IKBKB: variants seen among roughly 807,000 people sequenced by gnomAD.
IKBKB encodes inhibitor of nuclear factor kappa B kinase subunit beta.
IKBKB carries 42 observed loss-of-function variants against 113.6 expected under a neutral mutation model. That is an observed-to-expected ratio of 0.37 (90% confidence interval 0.29 to 0.48). The LOEUF is 0.48. Among genes scored for constraint, IKBKB ranks in the 20% least tolerant of loss-of-function variants. The pLI is 0.99. For synonymous variants in IKBKB, 296 were observed against 361.3 expected (o/e 0.82, Z 2.05); for missense variants, 673 against 939.7 (o/e 0.72, Z 3.71).
At chr8:42,329,554 T>C (rs1821419898) in intron 21 of IKBKB, 1 of 880,426 alleles carries the variant, frequency 1.1e-6, no homozygotes. Flanking sequence ...AATAGTGATG[T>C]CTAACAATTA....
chr8:42,323,198 C>T (rs10958713), intron 19 of IKBKB, among the ~76,000 whole-genome samples: 43,865 of 152,216 alleles, frequency 0.29, 7,995 homozygotes, highest in East Asian at 0.54. Flanking sequence ...TCTCTAAAGA[C>T]GCTTTCTCCA....
At chr8:42,313,654 A>G (rs1242819583) in intron 8 of IKBKB, among the ~76,000 whole-genome samples, 2 of 152,190 alleles carry the variant, frequency 1.3e-5, no homozygotes, top group South Asian at 2.1e-4. Context: ...TCAAAACACA[A>G]GAGTGTGTAA....
intron 5 of IKBKB, among the ~76,000 whole-genome samples, chr8:42,301,038 G>C (rs76421174): frequency 1.3e-5 from 2 of 150,502 alleles, no homozygotes; most frequent in African/African-American, 4.9e-5. Flanking sequence ...TTTTTTTTTT[G>C]TAGAGACAGG....
chr8:42,289,500 T>C (rs1394242889), intron 3 of IKBKB, among the ~76,000 whole-genome samples: 1 of 152,236 alleles, frequency 6.6e-6, no homozygotes, highest in East Asian at 1.9e-4. Context: ...CTGACATTTA[T>C]TCCTCTAGTG....
chr8:42,322,315 T>C (rs1479083327), intron 18 of IKBKB, 32 bp from the exon 19 acceptor site: 1 of 1,613,590 alleles, frequency 6.2e-7, no homozygotes, highest in Admixed American at 1.7e-5. Flanking sequence ...CCAGCCCAAA[T>C]GCCATTAGTT....
At chr8:42,293,644 A>G in intron 5 of IKBKB, 132 bp downstream of exon 5, 1 of 1,497,944 alleles carries the variant, frequency 6.7e-7, no homozygotes, top group South Asian at 1.2e-5. Context: ...GAGCCCAGGG[A>G]CGGGGGACCC....
chr8:42,315,671 T>C (rs1488487883), intron 9 of IKBKB, among the ~76,000 whole-genome samples: 1 of 116,320 alleles, frequency 8.6e-6, no homozygotes, highest in Non-Finnish European at 2.0e-5. Flanking sequence ...TTTCTTCCTT[T>C]CTTTTTAAGA....
chr8:42,287,814 A>G (rs1475969974), intron 2 of IKBKB, among the ~76,000 whole-genome samples: 1 of 152,160 alleles, frequency 6.6e-6, no homozygotes. Context: ...ATTATGCCAT[A>G]TTATGCTTGC....
chr8:42,321,748 T>C (rs1819819142), intron 16 of IKBKB, 148 bp from the exon 17 acceptor site: 8 of 612,836 alleles, frequency 1.3e-5, no homozygotes, highest in Non-Finnish European at 2.0e-5. Flanking sequence ...CCCAGCACCT[T>C]GGGATGCCAA....
At chr8:42,274,018 T>C (rs1026203174) in intron 2 of IKBKB, among the ~76,000 whole-genome samples, 1 of 152,176 alleles carries the variant, frequency 6.6e-6, no homozygotes, top group Non-Finnish European at 1.5e-5. Flanking sequence ...CTTCTGGCTA[T>C]TTTGAAATAT....
At chr8:42,319,755 G>T (rs1819419471) in intron 15 of IKBKB, 109 bp downstream of exon 15, 1 of 940,636 alleles carries the variant, frequency 1.1e-6, no homozygotes, top group Non-Finnish European at 1.6e-6. Context: ...AAAATCAGGT[G>T]TTCCTCACCA....
At chr8:42,285,110 C>T (rs1241134788) in intron 2 of IKBKB, among the ~76,000 whole-genome samples, 4 of 151,982 alleles carry the variant, frequency 2.6e-5, no homozygotes, top group African/African-American at 7.3e-5. Context: ...CCTGCCTGGG[C>T]CTCCCAAAGT....
chr8:42,300,308 C>T (rs1403107567), intron 5 of IKBKB, among the ~76,000 whole-genome samples: 2 of 152,188 alleles, frequency 1.3e-5, no homozygotes, highest in African/African-American at 4.8e-5. Flanking sequence ...TTGCCTTTCT[C>T]ACTCAGTGAT....
intron 5 of IKBKB, among the ~76,000 whole-genome samples, chr8:42,302,905 C>T (rs7816867): frequency 0.22 from 32,828 of 151,944 alleles, 8,292 homozygotes; most frequent in African/African-American, 0.61. Context: ...ATGTTTTCAG[C>T]AAATGTTCAG....
intron 2 of IKBKB, among the ~76,000 whole-genome samples, chr8:42,282,298 G>T (rs1810531032): frequency 6.6e-6 from 1 of 152,092 alleles, no homozygotes; most frequent in Non-Finnish European, 1.5e-5. Context: ...GACTTCCGAG[G>T]GTCAGGAGAT....
At chr8:42,303,008 T>C (rs1815597812) in intron 5 of IKBKB, among the ~76,000 whole-genome samples, 1 of 146,606 alleles carries the variant, frequency 6.8e-6, no homozygotes, top group African/African-American at 2.5e-5. Flanking sequence ...TGACAGCAGA[T>C]AGGATCGCTG....
At chr8:42,273,384 C>T (rs1254271355) in intron 2 of IKBKB, among the ~76,000 whole-genome samples, 3 of 151,246 alleles carry the variant, frequency 2.0e-5, no homozygotes, top group African/African-American at 7.3e-5. Flanking sequence ...CACTGCATTC[C>T]AGCCTGGGTG....
intron 1 of IKBKB, chr8:42,271,683 C>T (rs933447597): frequency 2.7e-5 from 14 of 526,236 alleles, no homozygotes; most frequent in Middle Eastern, 4.9e-4. Flanking sequence ...GGGGAACCTG[C>T]GATTTATGGG....
chr8:42,288,823 C>G, intron 3 of IKBKB, 95 bp downstream of exon 3: 1 of 961,646 alleles, frequency 1.0e-6, no homozygotes, highest in South Asian at 1.5e-5. Context: ...GTGGCTCACG[C>G]CTGTAATCCT....
Sources: allele counts gnomAD v4.1 joint callset (sites outside exome capture counted in the v4.1 genomes callset), GRCh38; gene constraint gnomAD v4.1.1; transcripts MANE v1.5; gene names NCBI Gene and HGNC (gene_info 2026-07-23, HGNC 2026-07-21).